The following USP6NL variants were observed in gnomAD, a reference collection of about 807,000 sequenced individuals.
USP6NL encodes USP6 N-terminal-like protein.
In USP6NL, 26 loss-of-function variants were observed where a neutral mutation model predicts 61.9. The ratio of observed to expected loss-of-function variants is 0.42; its 90% CI spans 0.31 to 0.58. The LOEUF (loss-of-function observed/expected upper bound fraction) is 0.58, where lower values mean the gene tolerates loss of function less well. Ranked by LOEUF, USP6NL falls within the 20% of genes least tolerant of loss-of-function variation. The pLI, the probability that USP6NL is intolerant of heterozygous loss-of-function variation, is 0.16. For missense variants in USP6NL, 1,114 were observed against 1,034.3 expected (o/e 1.08, Z -1.06); for synonymous variants, 432 against 390.1 (o/e 1.11, Z -1.27).
chr10:11,473,309 A>T (rs1250944807), intron 14 of USP6NL, among the ~76,000 whole-genome samples: 4 of 152,222 alleles, frequency 2.6e-5, no homozygotes, highest in African/African-American at 9.6e-5. Context: ...TTACTGTCCC[A>T]GGGAACTTTC....
intron 6 of USP6NL, among the ~76,000 whole-genome samples, chr10:11,501,996 C>G (rs566607099): frequency 6.6e-6 from 1 of 152,146 alleles, no homozygotes; most frequent in African/African-American, 2.4e-5. Flanking sequence ...CAGTGGCTCA[C>G]GCCTGTAATC....
At position 11,489,557 on chromosome 10, in the gene USP6NL, T is replaced by TA. The variant is rs1177579658; in HGVS notation, c.544-336_544-335insT. On this transcript the variant is annotated intron_variant, in intron 9 of 14. Transcript: ENST00000609104. This position sits in a 1 kb window ranked among gnomAD's most constrained non-coding sequence, Gnocchi z 5.7. ...CTATTCCTCTTCTTTGCTCAGTTGC[T>TA]GGCAAAGTCTCCCCTTCTACAACAC... Among the ~76,000 whole-genome samples the TA allele has an allele frequency of 6.6e-6, 1 of 152,226 alleles. No homozygotes were observed. The highest frequency in any genetic ancestry group is 1.5e-5 in the Non-Finnish European group (1 of 68,028).
chr10:11,475,596 CAAAAAAAAAAA>C (rs35589300), intron 14 of USP6NL, among the ~76,000 whole-genome samples: 4 of 38,726 alleles, frequency 1.0e-4, no homozygotes, highest in African/African-American at 3.4e-4. Flanking sequence ...AACTCTGTCG[CAAAAAAAAAAA>C]AAAAAAAAAA....
At chr10:11,546,069 A>G (rs780286479) in intron 2 of USP6NL, among the ~76,000 whole-genome samples, 9 of 152,258 alleles carry the variant, frequency 5.9e-5, no homozygotes, top group Non-Finnish European at 8.8e-5. Context: ...GCTTTCCAGT[A>G]AAACCATCAA....
At chr10:11,588,887 TC>T (rs1838067292) in intron 2 of USP6NL, among the ~76,000 whole-genome samples, 1 of 152,218 alleles carries the variant, frequency 6.6e-6, no homozygotes, top group African/African-American at 2.4e-5. Context: ...AGTTTGGATA[TC>T]CAGATAGTAG....
intron 14 of USP6NL, among the ~76,000 whole-genome samples, chr10:11,475,431 A>T (rs1182673982): frequency 1.3e-5 from 2 of 151,614 alleles, no homozygotes; most frequent in Non-Finnish European, 2.9e-5. Flanking sequence ...CATCTCTACT[A>T]AAAAAAATTA....
At chr10:11,559,603 C>T (rs930575840) in intron 2 of USP6NL, among the ~76,000 whole-genome samples, 4 of 152,106 alleles carry the variant, frequency 2.6e-5, no homozygotes. Context: ...TAACATTATA[C>T]TACAGTAATA....
At chr10:11,530,593 T>C (rs185149719) in intron 2 of USP6NL, among the ~76,000 whole-genome samples, 1 of 152,204 alleles carries the variant, frequency 6.6e-6, no homozygotes, top group Admixed American at 6.5e-5. Flanking sequence ...CCCTTAGAAA[T>C]GTCTTATCCC....
Position 11,487,325 on chromosome 10 carries a change from C to T in USP6NL, c.665-1414G>A, listed in dbSNP as rs1190344433. 6.6e-6 allele frequency among the ~76,000 whole-genome samples: 1 copy of T among 152,128 alleles called. No individual in the cohort carries two copies. The highest frequency in any genetic ancestry group is 1.5e-5 in the Non-Finnish European group (1 of 68,016). On this transcript the variant is annotated intron_variant, in intron 10 of 14. Transcript: ENST00000609104. This position sits in a 1 kb window ranked among gnomAD's most constrained non-coding sequence, Gnocchi z 4.2. The stretch of plus-strand genomic sequence containing the variant: ...ACCTTTAGTTATAAAATTTCATAGG[C>T]AGACATAGAAACAAACATCTCTAAG...
chr10:11,534,076 C>G (rs1195878342), intron 2 of USP6NL, among the ~76,000 whole-genome samples: 1 of 152,024 alleles, frequency 6.6e-6, no homozygotes, highest in Non-Finnish European at 1.5e-5. Flanking sequence ...CATATCTGAA[C>G]AGATTCCTCA....
intron 1 of USP6NL, among the ~76,000 whole-genome samples, chr10:11,599,649 AATGAC>A (rs1407498752): frequency 3.9e-5 from 6 of 152,178 alleles, no homozygotes; most frequent in Non-Finnish European, 8.8e-5. Context: ...AACATTTATA[AATGAC>A]ATAACTGAAG....
Position 11,462,230 on chromosome 10 carries a change from T to G in USP6NL, c.*211A>C, listed in dbSNP as rs2096217067. On this transcript the variant is annotated 3_prime_UTR_variant, in exon 15 of 15. Transcript: ENST00000609104. ...CTATTGCGATGTTTCCGGGTTAAAT[T>G]CTAACAGGTCAGTGATGATGCAATT... 1.7e-6 allele frequency: 1 copy of G among 573,482 alleles called. No homozygotes were observed. The highest frequency in any genetic ancestry group is 3.0e-5 in the East Asian group (1 of 33,616). 35.5% of individuals were successfully genotyped at this position (573,482 alleles called of 1,614,324 possible).
intron 1 of USP6NL, among the ~76,000 whole-genome samples, chr10:11,606,157 AAAG>A (rs1838701170): frequency 6.6e-6 from 1 of 152,246 alleles, no homozygotes; most frequent in South Asian, 2.1e-4. Flanking sequence ...AATTAGCAAC[AAAG>A]AAGGAATAAA....
rs368064001 is a variant in USP6NL at position 11,504,738 on chromosome 10, G to C, written c.277-3530C>G. On this transcript the variant is annotated intron_variant, in intron 6 of 14. Coordinates refer to ENST00000609104, the MANE Select transcript of USP6NL (RefSeq NM_014688.5). Reference sequence around the variant, plus strand: ...GAAAAAGATCTGTGGAGCTCACAGCGTACTGGGAAGAGAAATACGTAAGCT... The same window carrying C: ...GAAAAAGATCTGTGGAGCTCACAGCCTACTGGGAAGAGAAATACGTAAGCT... Among the ~76,000 whole-genome samples the C allele has an allele frequency of 2.4e-3, 363 of 152,316 alleles. 2 individuals are homozygous for C. Among genetic ancestry groups the C allele is most frequent in the African/African-American group, 8.4e-3 (349 of 41,570 alleles).
chr10:11,609,719 G>A (rs1838821127), intron 1 of USP6NL, among the ~76,000 whole-genome samples: 1 of 152,168 alleles, frequency 6.6e-6, no homozygotes, highest in Non-Finnish European at 1.5e-5. Context: ...TGGCAAAGAT[G>A]GACCAAGGCA....
In USP6NL at chr10:11,597,897, C is replaced by A. The variant is rs1838382388; in HGVS notation, c.-83-180G>T. 6.6e-6 allele frequency among the ~76,000 whole-genome samples: 1 copy of A among 152,128 alleles called. No individual in the cohort carries two copies. ...AACTTTTAGAATATCCTGTTGAATTCGTGTTTTCCTCTTTTGGAATAAGTT... is the reference window on the plus strand; with the variant it reads ...AACTTTTAGAATATCCTGTTGAATTAGTGTTTTCCTCTTTTGGAATAAGTT... On this transcript the variant is annotated intron_variant, in intron 1 of 14. Coordinates refer to ENST00000609104, the MANE Select transcript of USP6NL (RefSeq NM_014688.5). This position sits in a 1 kb window ranked among gnomAD's most constrained non-coding sequence, Gnocchi z 4.6.
At chr10:11,469,796 T>C (rs1832651433) in intron 14 of USP6NL, among the ~76,000 whole-genome samples, 1 of 152,200 alleles carries the variant, frequency 6.6e-6, no homozygotes, top group Non-Finnish European at 1.5e-5. Flanking sequence ...CTTTAAACAG[T>C]GCCAGCTCAC....
In USP6NL at chr10:11,574,780, C is replaced by T. The variant is rs1313440353; in HGVS notation, c.4+22851G>A. On this transcript the variant is annotated intron_variant, in intron 2 of 14. Transcript: ENST00000609104. This position sits in a 1 kb window ranked among gnomAD's most constrained non-coding sequence, Gnocchi z 4.3. ...CAGAGGCAGTTCCTTTGCCTTCAGA[C>T]AGTTAAAGGCTTGTTATTTTCCCAT... Among the ~76,000 whole-genome samples, 1 of 152,156 alleles carries T rather than the reference C, an allele frequency of 6.6e-6. No homozygotes were observed.
Position 11,581,049 on chromosome 10 carries a change from A to T in USP6NL, c.4+16582T>A, listed in dbSNP as rs139646491. On this transcript the variant is annotated intron_variant, in intron 2 of 14. Transcript: ENST00000609104. Reference sequence around the variant, plus strand: ...TATAAGTAATTCAAACCAACACCCTAGACTCTTAAAGAATTACAAACTAAT... The same window carrying T: ...TATAAGTAATTCAAACCAACACCCTTGACTCTTAAAGAATTACAAACTAAT... Among the ~76,000 whole-genome samples the T allele has an allele frequency of 6.8e-3, 1,031 of 152,316 alleles. 16 individuals are homozygous for T. The highest frequency in any genetic ancestry group is 0.01 in the Non-Finnish European group (687 of 68,034).
Sources: allele counts gnomAD v4.1 joint callset (sites outside exome capture counted in the v4.1 genomes callset), GRCh38; gene constraint gnomAD v4.1.1; non-coding constraint Gnocchi (gnomAD v3.1); transcripts MANE v1.5; gene names NCBI Gene and HGNC (gene_info 2026-07-23, HGNC 2026-07-21).